Variants in RIMKLB observed in about 807,000 individuals in gnomAD.
RIMKLB encodes the protein ribosomal modification protein rimK like family member B.
Under a neutral mutation model 32.0 loss-of-function variants are expected in RIMKLB, and 7 were observed. The ratio of observed to expected loss-of-function variants is 0.22; its 90% CI spans 0.12 to 0.41. The LOEUF is 0.41. Ranked by LOEUF, RIMKLB falls within the 10% of genes least tolerant of loss-of-function variation. The pLI, the probability that RIMKLB is intolerant of heterozygous loss-of-function variation, is 1.00. For synonymous variants in RIMKLB, 172 were observed against 185.1 expected (o/e 0.93, Z 0.57); for missense variants, 289 against 498.7 (o/e 0.58, Z 4.00).
At chr12:8,746,773 T>G (rs1370654093) in intron 2 of RIMKLB, among the ~76,000 whole-genome samples, 1 of 152,012 alleles carries the variant, frequency 6.6e-6, no homozygotes, top group African/African-American at 2.4e-5. Flanking sequence ...TTTTTTTCCC[T>G]TTTAGGGTCA....
chr12:8,716,725 C>CTTTTTTTTTTTTTTTTTTTTT (rs71451981), intron 2 of RIMKLB, among the ~76,000 whole-genome samples: 2 of 95,156 alleles, frequency 2.1e-5, no homozygotes, highest in African/African-American at 4.0e-5. Flanking sequence ...TCTTTTCCTT[C>CTTTTTTTTTTTTTTTTTTTTT]TTTTTTTTTT....
At chr12:8,688,904 G>A (rs1249916266) in intron 1 of RIMKLB, among the ~76,000 whole-genome samples, 5 of 151,734 alleles carry the variant, frequency 3.3e-5, no homozygotes, top group East Asian at 1.9e-4. Context: ...GCACGATCTC[G>A]GCTCACTGCA....
At chr12:8,670,406 T>C in the RIMKLB span, among the ~76,000 whole-genome samples, 7 of 152,048 alleles carry the variant, frequency 4.6e-5, no homozygotes, top group Non-Finnish European at 8.8e-5. Context: ...GTGGGAGAAA[T>C]TGGCCAAGAC....
At chr12:8,769,777 C>T (rs1434626757) in intron 5 of RIMKLB, among the ~76,000 whole-genome samples, 2 of 152,130 alleles carry the variant, frequency 1.3e-5, no homozygotes, top group African/African-American at 4.8e-5. Context: ...TTTACTACTT[C>T]ACTGTATCAT....
At chr12:8,772,611 C>T (rs1255985450) in intron 5 of RIMKLB, among the ~76,000 whole-genome samples, 1 of 152,222 alleles carries the variant, frequency 6.6e-6, no homozygotes, top group Non-Finnish European at 1.5e-5. Flanking sequence ...TCCACCTCAC[C>T]TGTCCAGCTA....
intron 5 of RIMKLB, among the ~76,000 whole-genome samples, chr12:8,759,578 A>G (rs1489169409): frequency 6.6e-6 from 1 of 152,140 alleles, no homozygotes; most frequent in African/African-American, 2.4e-5. Flanking sequence ...TTACTTGTGT[A>G]TGTATTGCTC....
rs761710715 is a variant in RIMKLB at position 8,737,684 on chromosome 12, G to A, written c.176-12178G>A. 2.6e-5 allele frequency among the ~76,000 whole-genome samples: 4 copies of A among 151,978 alleles called. No homozygotes were observed. In the East Asian group the frequency reaches 7.7e-4, roughly 29 times the overall value. ...ATTATTCATTCTGTATTTATTAGTTGGTATTGTACTGTAAGGAAGGATTTT... is the reference window on the plus strand; with the variant it reads ...ATTATTCATTCTGTATTTATTAGTTAGTATTGTACTGTAAGGAAGGATTTT... On this transcript the variant is annotated intron_variant, in intron 2 of 5. Coordinates refer to ENST00000535829, the MANE Select transcript of RIMKLB (RefSeq NM_001297776.2).
intron 5 of RIMKLB, among the ~76,000 whole-genome samples, chr12:8,763,761 GAGTGTCCTTC>G (rs1460903312): frequency 6.6e-6 from 1 of 152,218 alleles, no homozygotes; most frequent in African/African-American, 2.4e-5. Context: ...CGAAGGACAA[GAGTGTCCTTC>G]AGTATGAGAA....
At chr12:8,700,685 G>A (rs1943311035) in intron 1 of RIMKLB, 1 of 152,168 alleles carries the variant, frequency 6.6e-6, no homozygotes, top group African/African-American at 2.4e-5. Context: ...TTCATAGAAA[G>A]ACTTTGTTTT....
rs117292651 is a variant in RIMKLB at position 8,769,764 on chromosome 12, T to G, written c.698-3557T>G. Among the ~76,000 whole-genome samples the G allele has an allele frequency of 9.2e-4, 140 of 152,284 alleles. 2 individuals carry two copies. In the East Asian group the frequency reaches 0.017, roughly 18 times the overall value. ...TGAGAAGATAATTTTCCTTGATACT[T>G]TATTTACTACTTCACTGTATCATCA... On this transcript the variant is annotated intron_variant, in intron 5 of 5. Transcript: ENST00000535829.
At chr12:8,705,427 A>G (rs1400211081) in intron 1 of RIMKLB, among the ~76,000 whole-genome samples, 1 of 151,742 alleles carries the variant, frequency 6.6e-6, no homozygotes, top group African/African-American at 2.4e-5. Context: ...CAGTGAGCCA[A>G]GATCACGTCA....
intron 5 of RIMKLB, among the ~76,000 whole-genome samples, chr12:8,761,458 G>A (rs1424503685): frequency 6.6e-6 from 1 of 151,982 alleles, no homozygotes; most frequent in Non-Finnish European, 1.5e-5. Flanking sequence ...CCCATAAAAT[G>A]GGAGGGGACC....
In RIMKLB at chr12:8,774,009, A is replaced by T; in HGVS notation, c.*225A>T. ...GAGGCAGAATAGGTGGGGTATAGAAAAATGTCAGGCTCTCATAGTTACCCT... is the reference window on the plus strand; with the variant it reads ...GAGGCAGAATAGGTGGGGTATAGAATAATGTCAGGCTCTCATAGTTACCCT... On this transcript the variant is annotated 3_prime_UTR_variant, in exon 6 of 6. Coordinates refer to ENST00000535829, the MANE Select transcript of RIMKLB (RefSeq NM_001297776.2). 1 of 1,340,378 alleles carries T rather than the reference A, an allele frequency of 7.5e-7. No homozygotes were observed. The highest frequency in any genetic ancestry group is 9.5e-7 in the Non-Finnish European group (1 of 1,049,320). 83.0% of individuals were successfully genotyped at this position (1,340,378 alleles called of 1,614,324 possible).
intron 2 of RIMKLB, among the ~76,000 whole-genome samples, chr12:8,717,262 A>G (rs781483411): frequency 2.0e-5 from 3 of 152,222 alleles, no homozygotes; most frequent in African/African-American, 7.2e-5. Flanking sequence ...TAAAAACCAC[A>G]GTTCTGTACT....
chr12:8,748,519 CGTGTGTGT>C lies in RIMKLB; in HGVS notation c.176-1311_176-1304del, dbSNP rs58187682. On this transcript the variant is annotated intron_variant, in intron 2 of 5. Coordinates refer to ENST00000535829, the MANE Select transcript of RIMKLB (RefSeq NM_001297776.2). The stretch of plus-strand genomic sequence containing the variant: ...CCCCCACAGACAAGGTGGGATTATT[CGTGTGTGT>C]GTGTGTGTGTGTGTGTGTGTGTGTG... Among the ~76,000 whole-genome samples the C allele has an allele frequency of 9.5e-3, 1,250 of 131,272 alleles. 11 individuals are homozygous for C. Among genetic ancestry groups the C allele is most frequent in the African/African-American group, 0.032 (1,073 of 33,592 alleles). The allele number at this position is 131,272 out of a possible 152,430, so 86.1% of individuals were successfully genotyped here.
chr12:8,726,637 A>T, intron 2 of RIMKLB, among the ~76,000 whole-genome samples: 1 of 147,862 alleles, frequency 6.8e-6, no homozygotes, highest in Non-Finnish European at 1.5e-5. Context: ...TTTACCCACA[A>T]GTTTACTGGG....
chr12:8,780,366 A>C (rs1380807170), downstream of RIMKLB: 1 of 152,088 alleles, frequency 6.6e-6, no homozygotes, highest in Non-Finnish European at 1.5e-5. Context: ...TTTTTTTGGA[A>C]ATTTTCCCAG....
At chr12:8,742,140 C>A (rs1003097097) in intron 2 of RIMKLB, among the ~76,000 whole-genome samples, 1 of 151,710 alleles carries the variant, frequency 6.6e-6, no homozygotes, top group African/African-American at 2.4e-5. Flanking sequence ...CCTCATGATC[C>A]GCCCGCCTCA....
chr12:8,713,983 G>A lies in RIMKLB; in HGVS notation c.117G>A (p.Leu39=), dbSNP rs1332582829. ...AGGCCAAATGTTGTGAGGAGGAACT[G>A]GACTTTAGGGCTGTGGTGATGGATG... The part of the protein sequence containing the change: ...ALKAKCCEEE[L]DFRAVVMDEV... Residue 39 remains leucine (L), a synonymous_variant, in exon 2 of 6, where the codon CTG becomes CTA. Coordinates refer to ENST00000535829, the MANE Select transcript of RIMKLB (RefSeq NM_001297776.2). 6.8e-6 allele frequency: 11 copies of A among 1,613,940 alleles called. No homozygotes were observed. The highest frequency in any genetic ancestry group is 9.3e-6 in the Non-Finnish European group (11 of 1,179,996).
Sources: allele counts gnomAD v4.1 joint callset (sites outside exome capture counted in the v4.1 genomes callset), GRCh38; gene constraint gnomAD v4.1.1; transcripts MANE v1.5; gene names NCBI Gene and HGNC (gene_info 2026-07-23, HGNC 2026-07-21).